The following ZSCAN31 variants were observed in gnomAD, a reference collection of about 807,000 sequenced individuals.
ZSCAN31 encodes the protein zinc finger and SCAN domain containing 31.
In ZSCAN31, 14 loss-of-function variants were observed where a neutral mutation model predicts 22.5. The ratio of observed to expected loss-of-function variants is 0.62; its 90% CI spans 0.41 to 0.97. ZSCAN31 has a LOEUF of 0.97. Ranked by LOEUF, ZSCAN31 falls within the 50% of genes least tolerant of loss-of-function variation. ZSCAN31 has a pLI of 0.00. For missense variants in ZSCAN31, 424 were observed against 483.4 expected, an observed-to-expected ratio of 0.88 and a Z score of 1.15; for synonymous variants, 168 against 169.8, an observed-to-expected ratio of 0.99 and a Z score of 0.08.
chr6:28,327,816 G>A (rs1370345804), intron 2 of ZSCAN31, among the ~76,000 whole-genome samples: 3 of 152,052 alleles, frequency 2.0e-5, no homozygotes, highest in Non-Finnish European at 4.4e-5. Flanking sequence ...TAGAAAGTGA[G>A]GCAGACGAGA....
chr6:28,339,837 G>A (rs1444278066), upstream of ZSCAN31, among the ~76,000 whole-genome samples: 1 of 152,138 alleles, frequency 6.6e-6, no homozygotes, highest in Non-Finnish European at 1.5e-5. Context: ...AACACCTGTT[G>A]CTAAAATATC....
intron 2 of ZSCAN31, among the ~76,000 whole-genome samples, chr6:28,344,867 C>T (rs1184105696): frequency 1.3e-5 from 2 of 151,718 alleles, no homozygotes; most frequent in African/African-American, 2.4e-5. Context: ...TGGTGGCTCA[C>T]GCCTGTAATC....
chr6:28,351,911 C>CA lies in ZSCAN31; in HGVS notation c.-371+1950dup, dbSNP rs1228157878. Among the ~76,000 whole-genome samples the CA allele has an allele frequency of 2.9e-4, 44 of 151,760 alleles. No homozygotes were observed. Among genetic ancestry groups the CA allele is most frequent in the Non-Finnish European group, 4.9e-4 (33 of 67,946 alleles). ...ATAATCATAGTATCATGATCACACG[C>CA]AAAAAAATTGACAATAATTCCTTGA... On this transcript the variant is annotated intron_variant, in intron 2 of 7. Coordinates refer to the ZSCAN31 transcript ENST00000396838. The surrounding 1 kb of genome is among the most constrained non-coding windows in gnomAD (Gnocchi z 4.6).
chr6:28,354,799 T>C (rs72854535), upstream of ZSCAN31, among the ~76,000 whole-genome samples: 7,211 of 152,354 alleles, frequency 0.047, 278 homozygotes, highest in Non-Finnish European at 0.065. Context: ...CTTTCTCTCA[T>C]AGATCTGGCC....
chr6:28,352,132 A>G (rs1258007370), intron 2 of ZSCAN31, among the ~76,000 whole-genome samples: 1 of 152,064 alleles, frequency 6.6e-6, no homozygotes, highest in African/African-American at 2.4e-5. Context: ...AATGCCATTT[A>G]TTTGTTGAGG....
In ZSCAN31 at chr6:28,351,275, A is replaced by C. The variant is rs1006480822; in HGVS notation, c.-371+2587T>G. Among the ~76,000 whole-genome samples, 2 of 152,174 alleles carry C rather than the reference A, an allele frequency of 1.3e-5. No homozygotes were observed. Among genetic ancestry groups the C allele is most frequent in the African/African-American group, 4.8e-5 (2 of 41,434 alleles). ...GAAACCTAAATGGAGTTTGTGGAATAAATGATATAAATGTATCAGTGTTGT... is the reference window on the plus strand; with the variant it reads ...GAAACCTAAATGGAGTTTGTGGAATCAATGATATAAATGTATCAGTGTTGT... On this transcript the variant is annotated intron_variant, in intron 2 of 7. Coordinates refer to the ZSCAN31 transcript ENST00000396838. This position sits in a 1 kb window ranked among gnomAD's most constrained non-coding sequence, Gnocchi z 4.6.
Position 28,326,366 on chromosome 6 carries a change from G to A in ZSCAN31, c.1021C>T (p.His341Tyr). 2 of 1,614,222 alleles carry A rather than the reference G, an allele frequency of 1.2e-6. No homozygotes were observed. Among genetic ancestry groups the A allele is most frequent in the Non-Finnish European group, 1.7e-6 (2 of 1,180,028 alleles). ...AFLLSSCLVQ[H>Y]QRIHTGEKRY... ...TTCTCTCCAGTGTGTATCCTCTGAT[G>A]CTGAACAAGGCATGAGCTGAGGAGG... Residue 341 changes from histidine (H) to tyrosine (Y), a missense_variant, in exon 4 of 4, where the codon CAT becomes TAT. Transcript: ENST00000344279.
chr6:28,350,183 G>C (rs1764893024), intron 2 of ZSCAN31: 1 of 152,392 alleles, frequency 6.6e-6, no homozygotes, highest in African/African-American at 2.4e-5. Flanking sequence ...CCTGCGAGAA[G>C]CCGTGGGGGA....
intron 2 of ZSCAN31, among the ~76,000 whole-genome samples, chr6:28,344,771 G>C (rs1257700069): frequency 1.3e-5 from 2 of 152,146 alleles, no homozygotes; most frequent in East Asian, 3.9e-4. Flanking sequence ...TGTGGCTACA[G>C]GTAAAAATAT....
chr6:28,343,542 C>CTTT (rs34131321), intron 2 of ZSCAN31, among the ~76,000 whole-genome samples: 20 of 105,856 alleles, frequency 1.9e-4, no homozygotes, highest in South Asian at 3.1e-4. Flanking sequence ...TTTTTTCTTT[C>CTTT]TTTTTTTTTT....
At chr6:28,343,493 A>G (rs1458818662) in intron 2 of ZSCAN31, among the ~76,000 whole-genome samples, 1 of 151,290 alleles carries the variant, frequency 6.6e-6, no homozygotes, top group Non-Finnish European at 1.5e-5. Flanking sequence ...CCCCAGTTGC[A>G]GCTACAATGC....
At chr6:28,334,355 G>C (rs188484014) in intron 1 of ZSCAN31, among the ~76,000 whole-genome samples, 4 of 151,844 alleles carry the variant, frequency 2.6e-5, no homozygotes, top group African/African-American at 9.7e-5. Flanking sequence ...AGACAGCAAA[G>C]AGTGAAACAA....
intron 2 of ZSCAN31, among the ~76,000 whole-genome samples, chr6:28,328,878 A>G (rs757945384): frequency 4.1e-4 from 63 of 152,224 alleles, no homozygotes; most frequent in Non-Finnish European, 8.5e-4. Context: ...TTCTTCTGCT[A>G]TGGCTTCAGC....
upstream of ZSCAN31, among the ~76,000 whole-genome samples, chr6:28,340,381 A>C (rs1764365789): frequency 6.6e-6 from 1 of 152,232 alleles, no homozygotes; most frequent in African/African-American, 2.4e-5. Context: ...GTGGGAAATA[A>C]TTGAATCATG....
chr6:28,329,553 T>C lies in ZSCAN31; in HGVS notation c.131A>G (p.Gln44Arg), dbSNP rs978964613. The C allele has an allele frequency of 3.1e-6, 5 of 1,614,100 alleles. No homozygotes were observed. Among genetic ancestry groups the C allele is most frequent in the Non-Finnish European group, 4.2e-6 (5 of 1,180,038 alleles). The change falls in exon 2 of 4, where the codon CAG (glutamine) becomes CGG (arginine). Residue 44 changes from glutamine (Q) to arginine (R), a missense_variant. By Grantham distance (43) the Gln-to-Arg change is conservative. Transcript: ENST00000344279. ...GQEASRQLFR[Q>R]FCYQETPGPR... ...ACCAGGAGTCTCTTGGTAACAAAAC[T>C]GCCTAAAAAGTTGTCGGGAGGCTTC...
At position 28,349,471 on chromosome 6, in the gene ZSCAN31, T is replaced by C. The variant is rs1335578712; in HGVS notation, c.-371+4391A>G. ...TCATAATTTGAGTGTTAGATTATCT[T>C]GGATTTTTTATGTAAACCACGCAGC... On this transcript the variant is annotated intron_variant, in intron 2 of 7. Coordinates refer to the ZSCAN31 transcript ENST00000396838. The surrounding 1 kb of genome is among the most constrained non-coding windows in gnomAD (Gnocchi z 4.1). Among the ~76,000 whole-genome samples the C allele has an allele frequency of 6.6e-6, 1 of 152,170 alleles. No homozygotes were observed.
exon 2 of ZSCAN31, chr6:28,353,883 GT>G (rs778593152): frequency 1.5e-5 from 7 of 456,412 alleles, no homozygotes; most frequent in Non-Finnish European, 2.6e-5. Flanking sequence ...CAAGTGTCAG[GT>G]TCCAGCCCAT....
intron 2 of ZSCAN31, among the ~76,000 whole-genome samples, chr6:28,346,850 T>C (rs545311391): frequency 3.3e-5 from 5 of 152,156 alleles, no homozygotes; most frequent in Non-Finnish European, 5.9e-5. Flanking sequence ...CTTTAAGATA[T>C]GCTACAACAC....
chr6:28,338,181 A>G (rs1764276544), upstream of ZSCAN31, among the ~76,000 whole-genome samples: 1 of 151,994 alleles, frequency 6.6e-6, no homozygotes, highest in Non-Finnish European at 1.5e-5. Context: ...GGCAGATTGC[A>G]TGAGCTCAGG....
Sources: allele counts gnomAD v4.1 joint callset (sites outside exome capture counted in the v4.1 genomes callset), GRCh38; gene constraint gnomAD v4.1.1; non-coding constraint Gnocchi (gnomAD v3.1); transcripts MANE v1.5; gene names NCBI Gene and HGNC (gene_info 2026-07-23, HGNC 2026-07-21).